MECR: variants seen among roughly 807,000 people sequenced by gnomAD.
The protein encoded by MECR is enoyl-[acyl-carrier-protein] reductase, mitochondrial.
In MECR, 37 loss-of-function variants were observed where a neutral mutation model predicts 49.1. The ratio of observed to expected loss-of-function variants is 0.75; its 90% confidence interval spans 0.58 to 0.99. MECR has a LOEUF of 0.99. Among genes scored for constraint, MECR ranks in the 50% least tolerant of loss-of-function variants. The probability of loss-of-function intolerance (pLI) is 0.00; values close to 1 mark genes in which losing one functional copy is unlikely to be tolerated. For synonymous variants in MECR, 198 were observed against 191.1 expected (o/e 1.04, Z -0.30); for missense variants, 470 against 479.6 (o/e 0.98, Z 0.19).
intron 9 of MECR, among the ~76,000 whole-genome samples, chr1:29,195,116 A>C (rs1263625540): frequency 6.6e-6 from 1 of 151,820 alleles, no homozygotes; most frequent in Non-Finnish European, 1.5e-5. Flanking sequence ...ACCTTGTTTC[A>C]AAAAAAATAA....
intron 1 of MECR, among the ~76,000 whole-genome samples, chr1:29,228,718 C>T (rs1383297706): frequency 6.6e-6 from 1 of 152,090 alleles, no homozygotes; most frequent in Non-Finnish European, 1.5e-5. Context: ...ACAGACCGGT[C>T]TGTTCCAGCT....
chr1:29,173,996 C>T, the MECR span, among the ~76,000 whole-genome samples: 3 of 151,350 alleles, frequency 2.0e-5, no homozygotes, highest in African/African-American at 7.3e-5. Flanking sequence ...TGAGAACAGC[C>T]TGGCCAACAA....
intron 9 of MECR, among the ~76,000 whole-genome samples, chr1:29,194,885 G>A (rs1350292442): frequency 6.6e-6 from 1 of 152,170 alleles, no homozygotes; most frequent in African/African-American, 2.4e-5. Context: ...GGAGGCTGAG[G>A]TGGGTGGATC....
chr1:29,199,449 G>C (rs1237094141), intron 7 of MECR, among the ~76,000 whole-genome samples: 7 of 151,238 alleles, frequency 4.6e-5, no homozygotes, highest in Admixed American at 4.6e-4. Context: ...GGATGGTCTC[G>C]ATCTCCTGAT....
chr1:29,216,698 C>T lies in MECR; in HGVS notation c.177-13G>A. The T allele has an allele frequency of 6.2e-7, 1 of 1,614,152 alleles. No individual in the cohort carries two copies. Among genetic ancestry groups the T allele is most frequent in the Non-Finnish European group, 8.5e-7 (1 of 1,180,022 alleles). On this transcript the variant is annotated splice_polypyrimidine_tract_variant and intron_variant, in intron 1 of 9. Transcript: ENST00000263702. ...CAGGTTCTTGAGTCTAAGCACAAAG[C>T]CAAACGGAGATGTTCATGTCATCCA...
Position 29,225,477 on chromosome 1 carries a change from C to T in MECR, c.176+5254G>A, listed in dbSNP as rs574517464. Among the ~76,000 whole-genome samples, 5 of 152,242 alleles carry T rather than the reference C, an allele frequency of 3.3e-5. No individual in the cohort carries two copies. The South Asian group carries it at 1.0e-3, about 32-fold the overall frequency. ...TGTCCACAGGACTCTGAACATATCCCATCACAGCATTTACCCCACTGGACT... is the reference window on the plus strand; with the variant it reads ...TGTCCACAGGACTCTGAACATATCCTATCACAGCATTTACCCCACTGGACT... On this transcript the variant is annotated intron_variant, in intron 1 of 9. Coordinates refer to ENST00000263702, the MANE Select transcript of MECR (RefSeq NM_016011.5).
At chr1:29,195,528 C>T (rs911887668) in intron 9 of MECR, among the ~76,000 whole-genome samples, 14 of 152,306 alleles carry the variant, frequency 9.2e-5, no homozygotes, top group South Asian at 2.1e-4. Flanking sequence ...CTGTCAAACA[C>T]GGCTAACAAG....
rs1351611934 is a variant in MECR, at chr1:29,201,975, GCTC to G, written c.721_723del (p.Glu241del). 1 of 1,614,154 alleles carries G rather than the reference GCTC, an allele frequency of 6.2e-7. No homozygotes were observed. Among genetic ancestry groups the G allele is most frequent in the Non-Finnish European group, 8.5e-7 (1 of 1,180,032 alleles). On this transcript the variant is annotated inframe_deletion, in exon 6 of 10. Coordinates refer to ENST00000263702, the MANE Select transcript of MECR (RefSeq NM_016011.5). The surrounding 1 kb of genome is among the most constrained non-coding windows in gnomAD (Gnocchi z 4.3). ...AAGTTTTTCATTTCGGGCCTTCTTA[GCTC>G]CTCTTCTGTGATGACATGCTCAGCC...
chr1:29,176,045 G>A, the MECR span, among the ~76,000 whole-genome samples: 1 of 152,028 alleles, frequency 6.6e-6, no homozygotes, highest in African/African-American at 2.4e-5. Flanking sequence ...GAGGTCAGGA[G>A]ATCAAGACCA....
intron 4 of MECR, 135 bp downstream of exon 4, chr1:29,206,627 A>G (rs1676641027): frequency 2.0e-6 from 2 of 980,326 alleles, no homozygotes; most frequent in South Asian, 1.7e-5. Context: ...GAAAGCAACA[A>G]CATTCACCCA....
Position 29,201,947 on chromosome 1 carries a change from A to G in MECR, c.752T>C (p.Phe251Ser), listed in dbSNP as rs1558432468. The G allele has an allele frequency of 1.2e-6, 2 of 1,613,518 alleles. No individual in the cohort carries two copies. Among genetic ancestry groups the G allele is most frequent in the South Asian group, 2.2e-5 (2 of 91,078 alleles). The change falls in exon 6 of 10, where the codon TTT becomes TCT. Residue 251 changes from phenylalanine (F) to serine (S), a missense_variant. Coordinates refer to ENST00000263702, the MANE Select transcript of MECR (RefSeq NM_016011.5). The surrounding 1 kb of genome is among the most constrained non-coding windows in gnomAD (Gnocchi z 4.3). ...AATGTCCCTCTTCCTAGGTACCTTAAAGAAGTTTTTCATTTCGGGCCTTCT... is the reference window on the plus strand; with the variant it reads ...AATGTCCCTCTTCCTAGGTACCTTAGAGAAGTTTTTCATTTCGGGCCTTCT... ...ELRRPEMKNF[F>S]KDMPQPRLAL... is the part of the protein sequence containing the mutation.
At chr1:29,168,298 T>C in the MECR span, among the ~76,000 whole-genome samples, 3 of 151,938 alleles carry the variant, frequency 2.0e-5, no homozygotes, top group Non-Finnish European at 4.4e-5. Flanking sequence ...CCCAAAGTGC[T>C]AGAATTACAG....
the MECR span, among the ~76,000 whole-genome samples, chr1:29,168,274 A>G: frequency 2.1e-5 from 3 of 142,892 alleles, no homozygotes; most frequent in South Asian, 6.7e-4. Flanking sequence ...CAGGCAATCC[A>G]CCTGCCTTGG....
intron 3 of MECR, among the ~76,000 whole-genome samples, chr1:29,215,571 C>CA (rs1263524232): frequency 1.6e-4 from 24 of 145,748 alleles, no homozygotes; most frequent in South Asian, 4.4e-4. Flanking sequence ...GACCCTGTCT[C>CA]AAAAAAAAAC....
chr1:29,213,093 A>G lies in MECR; in HGVS notation c.406+2912T>C, dbSNP rs115434956. The stretch of plus-strand genomic sequence containing the variant: ...ATAGAGGACTCTTGTCTTGGTGTCA[A>G]TCCTGTGATTATGGCACTTGTAATA... On this transcript the variant is annotated intron_variant, in intron 3 of 9. Coordinates refer to ENST00000263702, the MANE Select transcript of MECR (RefSeq NM_016011.5). Among the ~76,000 whole-genome samples the G allele has an allele frequency of 5.5e-3, 844 of 152,250 alleles. 9 individuals carry two copies. Among genetic ancestry groups the G allele is most frequent in the African/African-American group, 0.019 (794 of 41,544 alleles).
chr1:29,217,323 C>A (rs1209193898), intron 1 of MECR, among the ~76,000 whole-genome samples: 2 of 150,980 alleles, frequency 1.3e-5, no homozygotes, highest in Non-Finnish European at 2.9e-5. Flanking sequence ...GATTCTCCTG[C>A]CTCAGCCTCC....
At chr1:29,226,317 T>G (rs1012917387) in intron 1 of MECR, among the ~76,000 whole-genome samples, 25 of 151,988 alleles carry the variant, frequency 1.6e-4, no homozygotes, top group Non-Finnish European at 2.9e-4. Flanking sequence ...CTCGGGATCC[T>G]GAAAAGGGGA....
At chr1:29,207,425 T>G (rs1676888158) in intron 3 of MECR, among the ~76,000 whole-genome samples, 1 of 151,938 alleles carries the variant, frequency 6.6e-6, no homozygotes, top group South Asian at 2.1e-4. Context: ...TGGCCCAAAA[T>G]AGACAGTCAT....
intron 1 of MECR, among the ~76,000 whole-genome samples, chr1:29,227,398 T>C (rs1327426235): frequency 6.6e-6 from 1 of 152,230 alleles, no homozygotes. Flanking sequence ...TACAGTTTAA[T>C]CTTTTAAATA....
Sources: gnomAD v4.1 joint callset for allele counts (sites outside exome capture counted in the v4.1 genomes callset) on GRCh38, gnomAD v4.1.1 for gene constraint, Gnocchi (gnomAD v3.1) non-coding constraint, MANE v1.5 for transcripts, NCBI Gene and HGNC (gene_info 2026-07-23, HGNC 2026-07-21) for gene names.